The following MYO1D variants were observed in gnomAD, a reference collection of about 807,000 sequenced individuals.
The protein encoded by MYO1D is unconventional myosin-Id.
Under a neutral mutation model 122.0 loss-of-function variants are expected in MYO1D, and 83 were observed. That is an observed-to-expected ratio of 0.68 (90% CI 0.57 to 0.82). The LOEUF is 0.82. Among genes scored for constraint, MYO1D ranks in the 40% least tolerant of loss-of-function variants. MYO1D has a pLI of 0.00. For missense variants in MYO1D, 1,157 were observed against 1,269.5 expected, an observed-to-expected ratio of 0.91 and a Z score of 1.35; for synonymous variants, 464 against 446.9, an observed-to-expected ratio of 1.04 and a Z score of -0.48.
intron 21 of MYO1D, chr17:32,519,279 G>A (rs1446756534): frequency 6.6e-6 from 1 of 152,336 alleles, no homozygotes; most frequent in Non-Finnish European, 1.5e-5. Context: ...GCACTGGGCA[G>A]GCCGGGTGGG....
At chr17:32,564,902 C>T (rs111405901) in intron 21 of MYO1D, among the ~76,000 whole-genome samples, 1 of 152,204 alleles carries the variant, frequency 6.6e-6, no homozygotes, top group African/African-American at 2.4e-5. Flanking sequence ...AGCATACCCC[C>T]CATCTCACAA....
At chr17:32,528,133 G>A (rs1047572971) in intron 21 of MYO1D, among the ~76,000 whole-genome samples, 9 of 152,172 alleles carry the variant, frequency 5.9e-5, no homozygotes, top group Non-Finnish European at 1.0e-4. Flanking sequence ...CACTGCGCCC[G>A]GCTGACTTGA....
intron 21 of MYO1D, among the ~76,000 whole-genome samples, chr17:32,502,727 C>T (rs747369995): frequency 4.6e-5 from 7 of 152,300 alleles, no homozygotes; most frequent in East Asian, 1.9e-4. Context: ...GGGCAGGAGA[C>T]GGAGTAGACG....
At chr17:32,497,508 T>C (rs577985453) in intron 21 of MYO1D, 1 of 152,278 alleles carries the variant, frequency 6.6e-6, no homozygotes, top group African/African-American at 2.4e-5. Flanking sequence ...GGAGTTGTTG[T>C]AGAATAAAAA....
intron 2 of MYO1D, among the ~76,000 whole-genome samples, chr17:32,780,183 C>G (rs1322418319): frequency 6.6e-6 from 1 of 152,146 alleles, no homozygotes; most frequent in East Asian, 1.9e-4. Context: ...CACTAGTTCC[C>G]AAGCACCAGT....
At chr17:32,705,013 GAT>G (rs1392701991) in intron 16 of MYO1D, among the ~76,000 whole-genome samples, 10 of 151,866 alleles carry the variant, frequency 6.6e-5, no homozygotes, top group African/African-American at 2.4e-4. Flanking sequence ...TTGCAATCTA[GAT>G]GGTTATTTCT....
chr17:32,656,882 T>C (rs1385538000), intron 17 of MYO1D, among the ~76,000 whole-genome samples: 1 of 152,242 alleles, frequency 6.6e-6, no homozygotes, highest in African/African-American at 2.4e-5. Context: ...TCTACTGGTC[T>C]GTTTCCAGTC....
intron 1 of MYO1D, among the ~76,000 whole-genome samples, chr17:32,840,711 C>G (rs1452165253): frequency 1.3e-5 from 2 of 152,116 alleles, no homozygotes; most frequent in Non-Finnish European, 2.9e-5. Flanking sequence ...ATTTCAGCCA[C>G]CAAAACAGAG....
intron 1 of MYO1D, among the ~76,000 whole-genome samples, chr17:32,854,627 C>A (rs114742270): frequency 0.014 from 2,095 of 152,298 alleles, 44 homozygotes; most frequent in African/African-American, 0.046. Context: ...TTTGTACTCC[C>A]TGTACACAGA....
At chr17:32,665,993 C>T (rs905064418) in intron 16 of MYO1D, among the ~76,000 whole-genome samples, 4 of 152,074 alleles carry the variant, frequency 2.6e-5, no homozygotes, top group Non-Finnish European at 5.9e-5. Flanking sequence ...GGTACCTGAC[C>T]CCTCTCCTCC....
chr17:32,810,637 C>A (rs1019570903), intron 1 of MYO1D, among the ~76,000 whole-genome samples: 11 of 151,978 alleles, frequency 7.2e-5, no homozygotes, highest in African/African-American at 2.7e-4. Context: ...CCACCATGCT[C>A]GGCTAATTTT....
chr17:32,841,895 A>G (rs2090886445), intron 1 of MYO1D, among the ~76,000 whole-genome samples: 1 of 152,136 alleles, frequency 6.6e-6, no homozygotes, highest in Non-Finnish European at 1.5e-5. Context: ...GGAGACAGGG[A>G]GTAGGCTAGT....
intron 16 of MYO1D, among the ~76,000 whole-genome samples, chr17:32,687,236 A>G (rs945633957): frequency 1.6e-4 from 22 of 140,408 alleles, no homozygotes; most frequent in South Asian, 6.7e-4. Context: ...TCACTCTGTC[A>G]CCCAGGCTGG....
chr17:32,634,838 T>C (rs1210877612), intron 20 of MYO1D, among the ~76,000 whole-genome samples: 1 of 152,152 alleles, frequency 6.6e-6, no homozygotes, highest in Non-Finnish European at 1.5e-5. Context: ...ACTTCTCTTC[T>C]GCTCCTTTCT....
intron 19 of MYO1D, among the ~76,000 whole-genome samples, chr17:32,651,902 G>T (rs536238876): frequency 3.3e-5 from 5 of 151,856 alleles, no homozygotes; most frequent in Admixed American, 2.6e-4. Flanking sequence ...GGTCTTGATC[G>T]CTTGACCTCA....
At chr17:32,760,099 G>T (rs1427239229) in intron 10 of MYO1D, 191 bp downstream of exon 10, 2 of 716,092 alleles carry the variant, frequency 2.8e-6, no homozygotes, top group African/African-American at 1.7e-5. Flanking sequence ...CATCAACAAG[G>T]CAGTCTATCA....
chr17:32,861,393 G>A (rs2091075415), intron 1 of MYO1D, among the ~76,000 whole-genome samples: 1 of 152,048 alleles, frequency 6.6e-6, no homozygotes, highest in Admixed American at 6.6e-5. Flanking sequence ...GAGGAAATGT[G>A]TAGAAAACAA....
At position 32,764,917 on chromosome 17, in the gene MYO1D, T is replaced by C. The variant is rs915382744; in HGVS notation, c.996A>G (p.Thr332=). Residue 332 remains threonine (T), a synonymous_variant, in exon 8 of 22, where the codon ACA becomes ACG. Transcript: ENST00000318217. ...TGRDIIDKQH[T]EQEASYGRDA... Reference sequence around the variant, plus strand: ...CTCTGCCGTAGCTGGCCTCTTGTTCTGTGTGCTGCTTGTCAATGATGTCAC... The same window carrying C: ...CTCTGCCGTAGCTGGCCTCTTGTTCCGTGTGCTGCTTGTCAATGATGTCAC... 6.2e-7 allele frequency: 1 copy of C among 1,614,116 alleles called. No homozygotes were observed. Among genetic ancestry groups the C allele is most frequent in the African/African-American group, 1.3e-5 (1 of 74,938 alleles).
intron 1 of MYO1D, among the ~76,000 whole-genome samples, chr17:32,873,138 C>T (rs1050800656): frequency 2.6e-5 from 4 of 152,076 alleles, no homozygotes; most frequent in Admixed American, 6.5e-5. Flanking sequence ...AAGGACAATG[C>T]CACATAAGCT....
Sources: allele counts gnomAD v4.1 joint callset (sites outside exome capture counted in the v4.1 genomes callset), GRCh38; gene constraint gnomAD v4.1.1; transcripts MANE v1.5; gene names NCBI Gene and HGNC (gene_info 2026-07-23, HGNC 2026-07-21).